Variants in SIPA1 observed in about 807,000 individuals in gnomAD.
The protein encoded by SIPA1 is signal-induced proliferation-associated protein 1.
Under a neutral mutation model 88.1 loss-of-function variants are expected in SIPA1, and 51 were observed. The observed-to-expected ratio is 0.58, with a 90% CI of 0.46 to 0.73. SIPA1 has a LOEUF of 0.73. Among genes scored for constraint, SIPA1 ranks in the 30% least tolerant of loss-of-function variants. The pLI is 0.00. For synonymous variants in SIPA1, 681 were observed against 664.8 expected, an observed-to-expected ratio of 1.02 and a Z score of -0.37; for missense variants, 1,348 against 1,467.6, an observed-to-expected ratio of 0.92 and a Z score of 1.33.
chr11:65,643,368 C>T (rs886973477), intron 4 of SIPA1, among the ~76,000 whole-genome samples: 6 of 152,352 alleles, frequency 3.9e-5, no homozygotes, highest in Admixed American at 1.3e-4. Context: ...CTTCCTGGAG[C>T]GGCTCCTTCC....
rs1163247554 is a variant in SIPA1, at chr11:65,650,402, C to G, written c.2905C>G (p.Pro969Ala). The G allele has an allele frequency of 2.5e-6, 4 of 1,613,992 alleles. No individual in the cohort carries two copies. In the South Asian group the frequency reaches 4.4e-5, roughly 18 times the overall value. ...PKGTPKSDAE[P>A]EPGNLSEKVS... ...GAGTCTTGACCCCCATGTCTTCAGG[C>G]CAGAGCCTGGGAACCTCTCAGAGAA... Residue 969 changes from proline (P) to alanine (A), a missense_variant and splice_region_variant, in exon 15 of 16, where the codon CCA becomes GCA. Physicochemically the swap from Pro to Ala is conservative, Grantham distance 27. This residue lies in a region of SIPA1 where 615 missense variants were observed against 559.8 expected (regional missense o/e 1.10). Transcript: ENST00000534313.
In SIPA1 at chr11:65,641,105, C is replaced by T. The variant is rs779169154; in HGVS notation, c.184C>T (p.Pro62Ser). The change falls in exon 2 of 16, where the codon CCC becomes TCC. Residue 62 changes from proline to serine, a missense_variant. Physicochemically the swap from Pro to Ser is moderately conservative, Grantham distance 74. Transcript: ENST00000534313. ...RSGSDAGEARPPTPASPRARA... is the reference protein window; with the variant it reads ...RSGSDAGEARSPTPASPRARA... ...CGGCAGCGATGCAGGCGAGGCCAGGCCCCCCACGCCAGCCAGCCCCCGTGC... is the reference window on the plus strand; with the variant it reads ...CGGCAGCGATGCAGGCGAGGCCAGGTCCCCCACGCCAGCCAGCCCCCGTGC... 1.2e-6 allele frequency: 2 copies of T among 1,600,344 alleles called. No individual in the cohort carries two copies. The highest frequency in any genetic ancestry group is 1.7e-6 in the Non-Finnish European group (2 of 1,178,408).
chr11:65,648,836 CAAA>C (rs34071483), intron 9 of SIPA1, among the ~76,000 whole-genome samples: 11 of 112,766 alleles, frequency 9.8e-5, no homozygotes, highest in Admixed American at 1.9e-4. Flanking sequence ...AACTCCATCT[CAAA>C]AAAAAAAAAA....
intron 2 of SIPA1, 70 bp downstream of exon 2, chr11:65,641,670 C>T: frequency 1.5e-6 from 2 of 1,336,416 alleles, no homozygotes; most frequent in Non-Finnish European, 2.1e-6. Context: ...CTGCAGTGCA[C>T]ACAGTAGGGC....
At position 65,650,720 on chromosome 11, in the gene SIPA1, T is replaced by C. The variant is rs778110310; in HGVS notation, c.*5T>C. The C allele has an allele frequency of 5.8e-5, 91 of 1,566,094 alleles. No individual in the cohort carries two copies. The East Asian group carries it at 1.9e-3, about 32-fold the overall frequency. ...CCCACCGCCGACCTGGCCTGAGCCGTCTGGAACCACCTGGGCCCCTGAGGG... is the reference window on the plus strand; with the variant it reads ...CCCACCGCCGACCTGGCCTGAGCCGCCTGGAACCACCTGGGCCCCTGAGGG... On this transcript the variant is annotated 3_prime_UTR_variant, in exon 16 of 16. Transcript: ENST00000534313.
rs745607700 is a variant in SIPA1, at chr11:65,647,670, G to T, written c.2306+12G>T. 1 of 1,335,804 alleles carries T rather than the reference G, an allele frequency of 7.5e-7. No homozygotes were observed. Among genetic ancestry groups the T allele is most frequent in the Non-Finnish European group, 9.6e-7 (1 of 1,046,750 alleles). The allele number at this position is 1,335,804 out of a possible 1,614,324, so 82.7% of individuals were successfully genotyped here. A position where few individuals can be genotyped will look rare whatever the true frequency, so the allele number is the denominator to read the frequency against. On this transcript the variant is annotated intron_variant, in intron 9 of 15. Transcript: ENST00000534313. ...GGCCGGCCCCGCAGGTCAGGGTGCC[G>T]GGGACGCGGGGAGGTGGGAGGGCCG...
Position 65,646,383 on chromosome 11 carries a change from G to A in SIPA1, c.1421+5G>A, listed in dbSNP as rs1423402639. The A allele has an allele frequency of 1.2e-6, 2 of 1,608,492 alleles. No individual in the cohort carries two copies. The highest frequency in any genetic ancestry group is 8.5e-7 in the Non-Finnish European group (1 of 1,179,770). On this transcript the variant is annotated splice_donor_5th_base_variant and intron_variant, in intron 7 of 15. Coordinates refer to ENST00000534313, the MANE Select transcript of SIPA1 (RefSeq NM_006747.4). This position sits in a 1 kb window ranked among gnomAD's most constrained non-coding sequence, Gnocchi z 7.5. ...CACGCCACACACCACCTACAGGTGGGCACCGGAGTGGTCCCAGGTCTCCCG... is the reference window on the plus strand; with the variant it reads ...CACGCCACACACCACCTACAGGTGGACACCGGAGTGGTCCCAGGTCTCCCG...
chr11:65,642,549 C>T lies in SIPA1; in HGVS notation c.894C>T (p.His298=), dbSNP rs1398055362. Residue 298 remains histidine, a synonymous_variant, in exon 4 of 16, where the codon CAC becomes CAT. Coordinates refer to ENST00000534313, the MANE Select transcript of SIPA1 (RefSeq NM_006747.4). This position sits in a 1 kb window ranked among gnomAD's most constrained non-coding sequence, Gnocchi z 6.5. ...TGTCCCCAAGGAAACTTCTGGAGCA[C>T]GTGGCGCCGCAGCTGAGCCCCAGCT... ...RGLSPRKLLE[H]VAPQLSPSCL... 6.2e-7 allele frequency: 1 copy of T among 1,604,498 alleles called. No homozygotes were observed. The highest frequency in any genetic ancestry group is 8.5e-7 in the Non-Finnish European group (1 of 1,178,716).
At chr11:65,647,684 G>A (rs1856159683) in intron 9 of SIPA1, 26 bp downstream of exon 9, 1 of 1,324,792 alleles carries the variant, frequency 7.5e-7, no homozygotes, top group South Asian at 1.8e-5. Flanking sequence ...ACGCGGGGAG[G>A]TGGGAGGGCC....
chr11:65,640,692 G>A, intron 1 of SIPA1, 139 bp from the exon 2 acceptor site: 1 of 495,528 alleles, frequency 2.0e-6, no homozygotes, highest in East Asian at 3.4e-5. Context: ...GGCAGACAAG[G>A]AAGTGGCCTG....
chr11:65,650,505 G>GA (rs774019074), intron 15 of SIPA1, 26 bp downstream of exon 15: 18 of 1,613,768 alleles, frequency 1.1e-5, no homozygotes, highest in Non-Finnish European at 1.5e-5. Context: ...AGCTTGGGGG[G>GA]AGTCACAGGG....
Position 65,642,991 on chromosome 11 carries a change from C to T in SIPA1, c.984+352C>T, listed in dbSNP as rs1856040281. On this transcript the variant is annotated intron_variant, in intron 4 of 15. Coordinates refer to ENST00000534313, the MANE Select transcript of SIPA1 (RefSeq NM_006747.4). This position sits in a 1 kb window ranked among gnomAD's most constrained non-coding sequence, Gnocchi z 6.5. ...AGTGCAATGGTGGAATCTCAGCTCA[C>T]TGCAACCTCTGCCTTCCGGGTTCAA... is the stretch of plus-strand genomic sequence containing the variant. Among the ~76,000 whole-genome samples, 1 of 152,100 alleles carries T rather than the reference C, an allele frequency of 6.6e-6. No individual in the cohort carries two copies.
chr11:65,642,890 C>CA lies in SIPA1; in HGVS notation c.984+252dup, dbSNP rs1240296778. On this transcript the variant is annotated intron_variant, in intron 4 of 15. Transcript: ENST00000534313. This position sits in a 1 kb window ranked among gnomAD's most constrained non-coding sequence, Gnocchi z 6.5. ...GGGCCCCACCCCAGACCATCTGAAT[C>CA]AGAGTTTGCACTTTATTTATTTATT... 1.6e-5 allele frequency among the ~76,000 whole-genome samples: 2 copies of CA among 121,910 alleles called. No individual in the cohort carries two copies. The highest frequency in any genetic ancestry group is 3.9e-3 in the Middle Eastern group (1 of 256). 80.0% of individuals were successfully genotyped at this position (121,910 alleles called of 152,430 possible).
At chr11:65,641,801 C>T (rs1472591854) in intron 2 of SIPA1, among the ~76,000 whole-genome samples, 2 of 152,202 alleles carry the variant, frequency 1.3e-5, no homozygotes, top group African/African-American at 4.8e-5. Flanking sequence ...TCCTCACCCC[C>T]AGCCAGGGCT....
rs770146797 is a variant in SIPA1 at position 65,642,507 on chromosome 11, G to A, written c.852G>A (p.Pro284=). ...RGTISEDALP[P]GPPRGLSPRK... ...CCATCTCGGAGGACGCGCTGCCGCC[G>A]GGGCCCCCACGGGGTCTGTCCCCAA... The change falls in exon 4 of 16, where the codon CCG becomes CCA. Residue 284 remains proline (P), a synonymous_variant. Coordinates refer to ENST00000534313, the MANE Select transcript of SIPA1 (RefSeq NM_006747.4). This position sits in a 1 kb window ranked among gnomAD's most constrained non-coding sequence, Gnocchi z 6.5. 22 of 1,609,778 alleles carry A rather than the reference G, an allele frequency of 1.4e-5. No individual in the cohort carries two copies. The highest frequency in any genetic ancestry group is 3.3e-4 in the Middle Eastern group (2 of 6,078).
intron 14 of SIPA1, 37 bp downstream of exon 14, chr11:65,650,229 C>T: frequency 6.2e-7 from 1 of 1,604,568 alleles, no homozygotes; most frequent in Admixed American, 1.7e-5. Context: ...CTTTACCTGC[C>T]CACATGACCC....
Position 65,650,425 on chromosome 11 carries a change from GAA to G in SIPA1, c.2929_2930del (p.Lys977GlyfsTer44), listed in dbSNP as rs1856241728. ...AEPEPGNLSEKVSHLESMLRK... is the reference protein window; with the variant it reads ...AEPEPGNLSEXVSHLESMLRK... ...GGCCAGAGCCTGGGAACCTCTCAGA[GAA>G]GGTCTCTCACTTGGAGTCCATGCTC... On this transcript the variant is annotated frameshift_variant, in exon 15 of 16. Coordinates refer to ENST00000534313, the MANE Select transcript of SIPA1 (RefSeq NM_006747.4). LOFTEE classifies it high-confidence loss of function. 1.2e-6 allele frequency: 2 copies of G among 1,614,042 alleles called. No individual in the cohort carries two copies. The highest frequency in any genetic ancestry group is 2.7e-5 in the African/African-American group (2 of 74,918).
rs375142396 is a variant in SIPA1 at position 65,644,858 on chromosome 11, T to G, written c.985-97T>G. On this transcript the variant is annotated intron_variant, in intron 4 of 15. Transcript: ENST00000534313. The stretch of plus-strand genomic sequence containing the variant: ...GCACAAGTGGCTCAGAGAGGGCTGG[T>G]GCTCAGCCCCAGGCCAGCGTCCCAT... The G allele has an allele frequency of 5.2e-5, 67 of 1,278,002 alleles. No homozygotes were observed. In the East Asian group the frequency reaches 1.2e-3, roughly 23 times the overall value. 79.2% of individuals were successfully genotyped at this position (1,278,002 alleles called of 1,614,324 possible).
Position 65,649,847 on chromosome 11 carries a change from C to A in SIPA1, c.2728C>A (p.Arg910=). ...ASFLPRTLSL[R]NSISRIMSEA... ...CTTTCTGCCACGTACCTTGTCTCTGCGGAACTCCATCAGCAGGAGTGAGTC... is the reference window on the plus strand; with the variant it reads ...CTTTCTGCCACGTACCTTGTCTCTGAGGAACTCCATCAGCAGGAGTGAGTC... Residue 910 remains arginine (R), a synonymous_variant, in exon 12 of 16, where the codon CGG becomes AGG. Transcript: ENST00000534313. The A allele has an allele frequency of 6.2e-7, 1 of 1,614,034 alleles. No individual in the cohort carries two copies. Among genetic ancestry groups the A allele is most frequent in the Non-Finnish European group, 8.5e-7 (1 of 1,180,010 alleles).
Sources: allele counts gnomAD v4.1 joint callset (sites outside exome capture counted in the v4.1 genomes callset), GRCh38; gene constraint gnomAD v4.1.1; regional missense constraint gnomAD v4.1.1; non-coding constraint Gnocchi (gnomAD v3.1); transcripts MANE v1.5; gene names NCBI Gene and HGNC (gene_info 2026-07-23, HGNC 2026-07-21).